Variants in ARMC2 observed in about 807,000 individuals in gnomAD.
The protein encoded by ARMC2 is armadillo repeat containing 2.
Under a neutral mutation model 90.3 loss-of-function variants are expected in ARMC2, and 67 were observed. The ratio of observed to expected loss-of-function variants is 0.74; its 90% CI spans 0.61 to 0.91. ARMC2 has a LOEUF of 0.91. Ranked by LOEUF, ARMC2 falls within the 40% of genes least tolerant of loss-of-function variation. The probability of loss-of-function intolerance (pLI) is 0.00; values close to 1 mark genes in which losing one functional copy is unlikely to be tolerated. For missense variants in ARMC2, 920 were observed against 1,030.9 expected (o/e 0.89, Z 1.47); for synonymous variants, 393 against 393.0 (o/e 1.00, Z 0.00).
chr6:108,892,544 G>A (rs2128455794), intron 5 of ARMC2, among the ~76,000 whole-genome samples: 1 of 152,148 alleles, frequency 6.6e-6, no homozygotes, highest in South Asian at 2.1e-4. Flanking sequence ...CGGATCACCT[G>A]AGGTTGGGAG....
chr6:108,912,257 G>T, intron 9 of ARMC2, 78 bp from the exon 10 acceptor site: 1 of 1,020,432 alleles, frequency 9.8e-7, no homozygotes, highest in Non-Finnish European at 1.4e-6. Context: ...TGTATTTTAT[G>T]TTCACACACA....
At position 108,885,227 on chromosome 6, in the gene ARMC2, G is replaced by GGTGT. The variant is rs61665393; in HGVS notation, c.671+8898_671+8901dup. ...GTGATTATTAAAAAAGGTGCCAAGG[G>GGTGT]GTGTGTGTGTGTGTGTGTGTGTGTA... On this transcript the variant is annotated intron_variant, in intron 5 of 17. Coordinates refer to ENST00000392644, the MANE Select transcript of ARMC2 (RefSeq NM_032131.6). Among the ~76,000 whole-genome samples, 1,606 of 149,810 alleles carry GGTGT rather than the reference G, an allele frequency of 0.011. 110 individuals are homozygous for GGTGT. The East Asian group carries it at 0.19, about 18-fold the overall frequency.
chr6:108,950,861 A>G (rs912787133), intron 12 of ARMC2, among the ~76,000 whole-genome samples: 1 of 152,130 alleles, frequency 6.6e-6, no homozygotes, highest in African/African-American at 2.4e-5. Flanking sequence ...ACAGCTTCCA[A>G]GGTTGAACTC....
At chr6:108,862,762 G>A (rs1381982353) in intron 3 of ARMC2, among the ~76,000 whole-genome samples, 1 of 152,108 alleles carries the variant, frequency 6.6e-6, no homozygotes, top group East Asian at 1.9e-4. Flanking sequence ...AGTTTGTGAG[G>A]ACCTAACCAG....
At chr6:109,015,402 T>TA in the ARMC2 span, among the ~76,000 whole-genome samples, 331 of 152,284 alleles carry the variant, frequency 2.2e-3, 3 homozygotes, top group African/African-American at 7.8e-3. Context: ...GGCATGTACT[T>TA]ACAAGTCAGA....
rs1436378852 is a variant in ARMC2, at chr6:108,973,569, A to C, written c.*55A>C. 1 of 1,480,034 alleles carries C rather than the reference A, an allele frequency of 6.8e-7. No individual in the cohort carries two copies. Among genetic ancestry groups the C allele is most frequent in the African/African-American group, 1.4e-5 (1 of 71,372 alleles). 91.7% of individuals were successfully genotyped at this position (1,480,034 alleles called of 1,614,324 possible). On this transcript the variant is annotated 3_prime_UTR_variant, in exon 18 of 18. Transcript: ENST00000392644. ...ACTCACGTCTCCCTCATTCTTAAGAACTGGTAACAAACGTGAACATTTTTT... is the reference window on the plus strand; with the variant it reads ...ACTCACGTCTCCCTCATTCTTAAGACCTGGTAACAAACGTGAACATTTTTT...
chr6:108,954,855 C>T (rs539095654), intron 13 of ARMC2, among the ~76,000 whole-genome samples: 28 of 152,286 alleles, frequency 1.8e-4, no homozygotes, highest in South Asian at 4.1e-4. Context: ...AACAAAATCC[C>T]GTAAACTGGG....
chr6:108,871,835 G>A (rs951366581), intron 4 of ARMC2, among the ~76,000 whole-genome samples: 22 of 152,180 alleles, frequency 1.4e-4, no homozygotes, highest in African/African-American at 4.8e-4. Context: ...GTGCACTGAA[G>A]CATGTTTTCA....
intron 7 of ARMC2, among the ~76,000 whole-genome samples, chr6:108,900,696 A>T (rs1266164319): frequency 6.6e-6 from 1 of 152,152 alleles, no homozygotes; most frequent in African/African-American, 2.4e-5. Flanking sequence ...GGCTGTGTTC[A>T]TGGTTAATGT....
the ARMC2 span, chr6:108,987,676 C>CACAATCAGTTTT: frequency 9.5e-7 from 1 of 1,054,224 alleles, no homozygotes; most frequent in African/African-American, 1.6e-5. Flanking sequence ...TACAAGCATT[C>CACAATCAGTTTT]ACAATCAGTT....
chr6:108,903,908 G>A (rs1400949759), intron 7 of ARMC2, among the ~76,000 whole-genome samples: 1 of 152,162 alleles, frequency 6.6e-6, no homozygotes, highest in African/African-American at 2.4e-5. Flanking sequence ...GCAGATCACG[G>A]GCTGAGGTGG....
the ARMC2 span, among the ~76,000 whole-genome samples, chr6:109,039,481 T>C: frequency 1.2e-3 from 178 of 152,314 alleles, 1 homozygote; most frequent in Non-Finnish European, 2.4e-4. Flanking sequence ...TTAAGACAAC[T>C]TGGAGGCAAG....
chr6:109,036,646 G>A, the ARMC2 span, among the ~76,000 whole-genome samples: 2 of 152,250 alleles, frequency 1.3e-5, no homozygotes, highest in Non-Finnish European at 2.9e-5. Context: ...TTAGGTTGTG[G>A]TTTTTAACAC....
the ARMC2 span, among the ~76,000 whole-genome samples, chr6:108,983,316 CATA>C: frequency 6.6e-6 from 1 of 152,052 alleles, no homozygotes; most frequent in African/African-American, 2.4e-5. Context: ...TTTTGTTGCC[CATA>C]ATTTCTGTGT....
chr6:108,898,817 A>C (rs1771860778), intron 6 of ARMC2, among the ~76,000 whole-genome samples: 1 of 152,144 alleles, frequency 6.6e-6, no homozygotes, highest in African/African-American at 2.4e-5. Context: ...AATGAAATGG[A>C]GGCCTCCTGC....
At chr6:108,910,662 A>ATCTGTCAT (rs1773330517) in intron 8 of ARMC2, among the ~76,000 whole-genome samples, 1 of 152,158 alleles carries the variant, frequency 6.6e-6, no homozygotes, top group South Asian at 2.1e-4. Context: ...AATCGCTAAG[A>ATCTGTCAT]TCTGTCATTA....
chr6:108,891,362 C>A (rs920964251), intron 5 of ARMC2, among the ~76,000 whole-genome samples: 4 of 152,186 alleles, frequency 2.6e-5, no homozygotes, highest in Non-Finnish European at 5.9e-5. Flanking sequence ...ATTTACACTC[C>A]CACCAACAGT....
chr6:109,033,232 TAAG>T, the ARMC2 span, among the ~76,000 whole-genome samples: 1 of 152,080 alleles, frequency 6.6e-6, no homozygotes, highest in Admixed American at 6.6e-5. Context: ...GTGGTCTGGT[TAAG>T]AAGTAACAAA....
the ARMC2 span, chr6:108,999,854 C>G: frequency 1.3e-5 from 2 of 152,136 alleles, no homozygotes; most frequent in African/African-American, 4.8e-5. Flanking sequence ...GCAGCTTTAT[C>G]CGTAATTGCC....
Sources: gnomAD v4.1 joint callset for allele counts (sites outside exome capture counted in the v4.1 genomes callset) on GRCh38, gnomAD v4.1.1 for gene constraint, MANE v1.5 for transcripts, NCBI Gene and HGNC (gene_info 2026-07-23, HGNC 2026-07-21) for gene names.